DLGAP2: variants seen among roughly 807,000 people sequenced by gnomAD.
The protein encoded by DLGAP2 is DLG associated protein 2, also known as disks large-associated protein 2.
A neutral mutation model predicts 100.3 loss-of-function variants in DLGAP2; 26 were observed. The ratio of observed to expected loss-of-function variants is 0.26; its 90% confidence interval spans 0.19 to 0.36. The LOEUF (loss-of-function observed/expected upper bound fraction) is 0.36. Among genes scored for constraint, DLGAP2 ranks in the 10% least tolerant of loss-of-function variants. The pLI, the probability that DLGAP2 is intolerant of heterozygous loss-of-function variation, is 1.00. For missense variants in DLGAP2, 1,858 were observed against 1,453.2 expected, an observed-to-expected ratio of 1.28 and a Z score of -4.53; for synonymous variants, 886 against 630.1, an observed-to-expected ratio of 1.41 and a Z score of -6.08.
intron 2 of DLGAP2, chr8:1,002,591 C>G (rs552094619): frequency 6.6e-6 from 1 of 152,352 alleles, no homozygotes; most frequent in South Asian, 2.1e-4. Flanking sequence ...CTGTGGTCAG[C>G]AGAATCTACC....
At chr8:1,348,601 G>A (rs1801626492) in intron 3 of DLGAP2, among the ~76,000 whole-genome samples, 1 of 151,872 alleles carries the variant, frequency 6.6e-6, no homozygotes, top group African/African-American at 2.4e-5. Flanking sequence ...CATCTGCATT[G>A]CACTCATGGT....
intron 2 of DLGAP2, among the ~76,000 whole-genome samples, chr8:1,043,827 G>A (rs1487097455): frequency 1.3e-5 from 2 of 152,050 alleles, no homozygotes; most frequent in African/African-American, 4.8e-5. Context: ...TTTGGCTGCT[G>A]TTAGAAGGAC....
chr8:909,894 C>T (rs950425769), intron 2 of DLGAP2, among the ~76,000 whole-genome samples: 1 of 152,220 alleles, frequency 6.6e-6, no homozygotes, highest in Non-Finnish European at 1.5e-5. Context: ...GAAATGTCTT[C>T]AGACCTCAAC....
At chr8:1,454,513 G>C (rs560901885) in intron 3 of DLGAP2, among the ~76,000 whole-genome samples, 7 of 152,310 alleles carry the variant, frequency 4.6e-5, no homozygotes, top group African/African-American at 1.4e-4. Flanking sequence ...CCCTGGAGGA[G>C]AGGAGCAGAA....
intron 1 of DLGAP2, among the ~76,000 whole-genome samples, chr8:817,902 G>C (rs922068284): frequency 6.6e-6 from 1 of 152,188 alleles, no homozygotes; most frequent in Non-Finnish European, 1.5e-5. Context: ...AGGGTCCTTG[G>C]TTGTGTTTTT....
At chr8:1,244,193 G>C (rs1007008260) in intron 2 of DLGAP2, among the ~76,000 whole-genome samples, 1 of 152,240 alleles carries the variant, frequency 6.6e-6, no homozygotes, top group African/African-American at 2.4e-5. Context: ...TACGGTTAGA[G>C]TGCATTTGTA....
At chr8:1,485,284 G>A (rs1799209240) in intron 3 of DLGAP2, among the ~76,000 whole-genome samples, 1 of 152,190 alleles carries the variant, frequency 6.6e-6, no homozygotes, top group African/African-American at 2.4e-5. Context: ...GCTGTAAAAT[G>A]CAGCTAATGA....
chr8:912,338 T>TC (rs1251140010), intron 2 of DLGAP2, among the ~76,000 whole-genome samples: 6 of 152,180 alleles, frequency 3.9e-5, no homozygotes, highest in African/African-American at 1.2e-4. Context: ...TCACGTGACT[T>TC]CCCTGTGTTT....
intron 2 of DLGAP2, among the ~76,000 whole-genome samples, chr8:1,106,644 G>T (rs1333667594): frequency 6.6e-6 from 1 of 150,444 alleles, no homozygotes; most frequent in Admixed American, 6.6e-5. Flanking sequence ...AGCCATTCTA[G>T]GATGGTTTTC....
intron 3 of DLGAP2, among the ~76,000 whole-genome samples, chr8:1,441,611 C>A (rs545124883): frequency 6.6e-6 from 1 of 151,096 alleles, no homozygotes; most frequent in Middle Eastern, 3.4e-3. Flanking sequence ...TCGCTTGAGC[C>A]CAGGAGGCGG....
At chr8:1,025,740 A>T (rs1177530944) in intron 2 of DLGAP2, among the ~76,000 whole-genome samples, 2 of 152,190 alleles carry the variant, frequency 1.3e-5, no homozygotes, top group African/African-American at 2.4e-5. Context: ...AACAAATGAC[A>T]GGGGAGGCAG....
intron 1 of DLGAP2, among the ~76,000 whole-genome samples, chr8:764,155 C>T (rs538977525): frequency 5.8e-4 from 88 of 152,256 alleles, no homozygotes; most frequent in African/African-American, 2.0e-3. Flanking sequence ...CTGAATTGGG[C>T]CAGGGCTCAG....
chr8:889,530 A>C (rs535716061), intron 1 of DLGAP2, among the ~76,000 whole-genome samples: 60 of 152,274 alleles, frequency 3.9e-4, no homozygotes, highest in South Asian at 8.3e-4. Context: ...CCCACTGAGG[A>C]AGGATGGGTC....
intron 11 of DLGAP2, among the ~76,000 whole-genome samples, chr8:1,676,898 G>A (rs971489867): frequency 1.3e-5 from 2 of 152,240 alleles, no homozygotes; most frequent in Non-Finnish European, 2.9e-5. Context: ...TTGATCCAAA[G>A]GAAAGAAGGA....
At chr8:1,495,402 T>G (rs113866518) in intron 3 of DLGAP2, among the ~76,000 whole-genome samples, 58 of 152,298 alleles carry the variant, frequency 3.8e-4, no homozygotes, top group African/African-American at 1.3e-3. Flanking sequence ...CCCAGGGCCC[T>G]TTCTCTTCCC....
chr8:1,220,361 C>T (rs906765096), intron 2 of DLGAP2, among the ~76,000 whole-genome samples: 2 of 151,972 alleles, frequency 1.3e-5, no homozygotes, highest in Admixed American at 6.6e-5. Flanking sequence ...TCATTCTTTA[C>T]CCAAAAGTAA....
At chr8:880,194 T>C (rs1163884366) in intron 1 of DLGAP2, among the ~76,000 whole-genome samples, 1 of 152,168 alleles carries the variant, frequency 6.6e-6, no homozygotes, top group Non-Finnish European at 1.5e-5. Context: ...TGCACTTGCA[T>C]CTCCTTCTCT....
intron 4 of DLGAP2, among the ~76,000 whole-genome samples, chr8:1,526,345 G>T (rs1045456552): frequency 2.6e-5 from 4 of 151,942 alleles, no homozygotes; most frequent in African/African-American, 9.7e-5. Flanking sequence ...AGGGCTGAGA[G>T]TCTCCCCCAC....
At chr8:1,683,995 T>TACAC (rs1563061391) in intron 12 of DLGAP2, among the ~76,000 whole-genome samples, 1 of 130,270 alleles carries the variant, frequency 7.7e-6, no homozygotes, top group Non-Finnish European at 1.6e-5. Context: ...TATACTTTTT[T>TACAC]TTTTAAGACG....
Sources: allele counts gnomAD v4.1 joint callset (sites outside exome capture counted in the v4.1 genomes callset), GRCh38; gene constraint gnomAD v4.1.1; transcripts MANE v1.5; gene names NCBI Gene and HGNC (gene_info 2026-07-23, HGNC 2026-07-21).